The following RHEB variants were observed in gnomAD, a reference collection of about 807,000 sequenced individuals.
RHEB encodes the protein Ras homolog, mTORC1 binding.
Under a neutral mutation model 28.8 loss-of-function variants are expected in RHEB, and 2 were observed. The observed-to-expected ratio is 0.07, with a 90% confidence interval of 0.03 to 0.22. The LOEUF (loss-of-function observed/expected upper bound fraction) is 0.22. Among genes scored for constraint, RHEB ranks in the 10% least tolerant of loss-of-function variants. The pLI is 1.00. For synonymous variants in RHEB, 69 were observed against 77.3 expected, an observed-to-expected ratio of 0.89 and a Z score of 0.56; for missense variants, 76 against 219.9, an observed-to-expected ratio of 0.35 and a Z score of 4.14.
At chr7:151,470,689 CTCT>C (rs751474392) in intron 6 of RHEB, 37 bp from the exon 7 acceptor site, 1 of 1,387,436 alleles carries the variant, frequency 7.2e-7, no homozygotes, top group African/African-American at 1.4e-5. Flanking sequence ...AAGTACTTTG[CTCT>C]TCATTATATA....
chr7:151,480,228 G>A (rs1490774803), intron 3 of RHEB, among the ~76,000 whole-genome samples: 3 of 152,144 alleles, frequency 2.0e-5, no homozygotes, highest in Non-Finnish European at 4.4e-5. Flanking sequence ...TTAAGGGACT[G>A]CTGATGGTAG....
chr7:151,486,718 A>G (rs914161568), intron 2 of RHEB, among the ~76,000 whole-genome samples: 1 of 152,196 alleles, frequency 6.6e-6, no homozygotes, highest in Non-Finnish European at 1.5e-5. Context: ...AGCCCATGAT[A>G]CAGTGACCAC....
intron 1 of RHEB, among the ~76,000 whole-genome samples, chr7:151,509,161 C>G (rs189809732): frequency 5.9e-5 from 9 of 152,156 alleles, no homozygotes; most frequent in East Asian, 1.9e-4. Context: ...TGGGGCCACC[C>G]GGGCCCAGCA....
At chr7:151,506,767 A>G (rs1190812090) in intron 1 of RHEB, among the ~76,000 whole-genome samples, 1 of 152,194 alleles carries the variant, frequency 6.6e-6, no homozygotes, top group African/African-American at 2.4e-5. Flanking sequence ...TGAGTGACTG[A>G]CACCACCCAT....
chr7:151,496,880 C>T (rs576792808), intron 1 of RHEB, among the ~76,000 whole-genome samples: 1 of 151,912 alleles, frequency 6.6e-6, no homozygotes, highest in South Asian at 2.1e-4. Flanking sequence ...CCCAGGTTCA[C>T]ACCATTCTCC....
intron 1 of RHEB, among the ~76,000 whole-genome samples, chr7:151,510,141 C>T (rs887433498): frequency 6.6e-6 from 1 of 152,184 alleles, no homozygotes; most frequent in Admixed American, 6.5e-5. Flanking sequence ...ATTACTCACA[C>T]CTCACCCTTC....
At position 151,489,162 on chromosome 7, in the gene RHEB, G is replaced by A. The variant is rs907977242; in HGVS notation, c.124+1781C>T. Among the ~76,000 whole-genome samples, 6 of 152,176 alleles carry A rather than the reference G, an allele frequency of 3.9e-5. No homozygotes were observed. The East Asian group carries it at 7.7e-4, about 20-fold the overall frequency. On this transcript the variant is annotated intron_variant, in intron 2 of 7. Coordinates refer to ENST00000262187, the MANE Select transcript of RHEB (RefSeq NM_005614.4). The stretch of plus-strand genomic sequence containing the variant: ...ATCCACTTTTAGAGGCAGAGCTTAC[G>A]AAGAAAACAATCTTCTATTGTTCTG...
chr7:151,515,918 C>G (rs1015524610), intron 1 of RHEB, among the ~76,000 whole-genome samples: 1 of 152,180 alleles, frequency 6.6e-6, no homozygotes, highest in Non-Finnish European at 1.5e-5. Context: ...ATGTAAGAGG[C>G]TTATATATGA....
rs553832517 is a variant in RHEB at position 151,518,437 on chromosome 7, G to T, written c.52+1023C>A. 5.5e-4 allele frequency among the ~76,000 whole-genome samples: 84 copies of T among 152,228 alleles called. No individual in the cohort carries two copies. In the East Asian group the frequency reaches 8.3e-3, roughly 15 times the overall value. On this transcript the variant is annotated intron_variant, in intron 1 of 7. Coordinates refer to ENST00000262187, the MANE Select transcript of RHEB (RefSeq NM_005614.4). ...TTCACCTCCCCATCCCCTCAACTGT[G>T]GCCCGGTGCACGCCTTCTATAGACA...
chr7:151,483,835 G>A (rs1169642020), intron 3 of RHEB, among the ~76,000 whole-genome samples: 3 of 152,212 alleles, frequency 2.0e-5, no homozygotes, highest in Non-Finnish European at 4.4e-5. Context: ...AGGCCTGGAT[G>A]TCATGGTAAT....
intron 4 of RHEB, among the ~76,000 whole-genome samples, chr7:151,476,669 G>A (rs1423973406): frequency 2.0e-5 from 3 of 152,186 alleles, no homozygotes; most frequent in African/African-American, 4.8e-5. Context: ...TAGATGCTAC[G>A]TAGCCACCAA....
chr7:151,485,948 C>T (rs1802466621), intron 2 of RHEB, among the ~76,000 whole-genome samples: 1 of 152,296 alleles, frequency 6.6e-6, no homozygotes, highest in African/African-American at 2.4e-5. Flanking sequence ...GAAGTTATCA[C>T]TTTTAGGAAA....
intron 1 of RHEB, 62 bp downstream of exon 1, chr7:151,519,398 G>A: frequency 1.6e-6 from 2 of 1,236,876 alleles, no homozygotes; most frequent in East Asian, 6.8e-5. Context: ...GCCCGGCCGC[G>A]ACCCGGCTCC....
At chr7:151,480,570 T>G (rs1010105258) in intron 3 of RHEB, among the ~76,000 whole-genome samples, 2 of 152,170 alleles carry the variant, frequency 1.3e-5, no homozygotes, top group African/African-American at 4.8e-5. Flanking sequence ...ACTATTTATT[T>G]TTGTACCATG....
intron 1 of RHEB, among the ~76,000 whole-genome samples, chr7:151,505,055 C>A (rs549814734): frequency 1.8e-4 from 24 of 131,582 alleles, no homozygotes; most frequent in East Asian, 4.3e-4. Context: ...AAAAAAAAAC[C>A]CAAAAAACAA....
Position 151,516,640 on chromosome 7 carries a change from A to G in RHEB, c.52+2820T>C, listed in dbSNP as rs944339253. ...TCTGTCACAAAAAAAAAAAAAAAAA[A>G]AAAAGAAAGCCAACTAGTTAAACAA... On this transcript the variant is annotated intron_variant, in intron 1 of 7. Transcript: ENST00000262187. 2.6e-3 allele frequency among the ~76,000 whole-genome samples: 397 copies of G among 151,870 alleles called. 3 individuals are homozygous for G. Among genetic ancestry groups the G allele is most frequent in the Non-Finnish European group, 4.8e-3 (325 of 67,910 alleles).
intron 4 of RHEB, chr7:151,471,947 T>TAG: frequency 4.0e-6 from 1 of 247,210 alleles, no homozygotes; most frequent in East Asian, 1.1e-4. Flanking sequence ...CAGCTTTTCC[T>TAG]AGAGTGCCCT....
At chr7:151,482,992 G>A (rs1584853360) in intron 3 of RHEB, among the ~76,000 whole-genome samples, 1 of 152,126 alleles carries the variant, frequency 6.6e-6, no homozygotes, top group African/African-American at 2.4e-5. Flanking sequence ...CAGGTATCAG[G>A]GGGTGAAAGC....
intron 1 of RHEB, among the ~76,000 whole-genome samples, chr7:151,518,374 C>G (rs546001862): frequency 4.1e-4 from 63 of 152,312 alleles, no homozygotes; most frequent in African/African-American, 1.5e-3. Flanking sequence ...CAGATAGTCA[C>G]CCCGTTCCGC....
Sources: gnomAD v4.1 joint callset for allele counts (sites outside exome capture counted in the v4.1 genomes callset) on GRCh38, gnomAD v4.1.1 for gene constraint, MANE v1.5 for transcripts, NCBI Gene and HGNC (gene_info 2026-07-23, HGNC 2026-07-21) for gene names.